NEGR1: variants seen among roughly 807,000 people sequenced by gnomAD.
NEGR1 encodes the protein neuronal growth regulator 1, also known as IgLON family member 4.
NEGR1 carries 10 observed loss-of-function variants against 40.9 expected under a neutral mutation model. The observed-to-expected ratio is 0.24, with a 90% CI of 0.15 to 0.42. The LOEUF is 0.42. NEGR1 is among the 10% of genes least tolerant of loss of function. The pLI, the probability that NEGR1 is intolerant of heterozygous loss-of-function variation, is 1.00. For missense variants in NEGR1, 352 were observed against 438.9 expected, an observed-to-expected ratio of 0.80 and a Z score of 1.77; for synonymous variants, 185 against 166.8, an observed-to-expected ratio of 1.11 and a Z score of -0.84.
intron 4 of NEGR1, among the ~76,000 whole-genome samples, chr1:71,685,611 C>T (rs1409047784): frequency 6.6e-6 from 1 of 152,142 alleles, no homozygotes; most frequent in African/African-American, 2.4e-5. Context: ...TGAGCCACCG[C>T]AGGCCGAGGT....
At chr1:71,878,306 C>G (rs1314236694) in intron 2 of NEGR1, among the ~76,000 whole-genome samples, 1 of 152,016 alleles carries the variant, frequency 6.6e-6, no homozygotes, top group African/African-American at 2.4e-5. Context: ...TTATCTTTCC[C>G]AGCAGTGATT....
intron 2 of NEGR1, among the ~76,000 whole-genome samples, chr1:71,850,467 T>C (rs550106515): frequency 2.4e-4 from 36 of 152,272 alleles, no homozygotes; most frequent in Middle Eastern, 3.4e-3. Flanking sequence ...ATCTATTGTC[T>C]TGTCAAGAAT....
chr1:71,835,864 A>G (rs1350670409), intron 2 of NEGR1, among the ~76,000 whole-genome samples: 1 of 152,130 alleles, frequency 6.6e-6, no homozygotes, highest in Admixed American at 6.6e-5. Flanking sequence ...GTGAGATACT[A>G]AAAAGATTAA....
At chr1:71,677,967 C>A (rs990502390) in intron 4 of NEGR1, among the ~76,000 whole-genome samples, 2 of 152,086 alleles carry the variant, frequency 1.3e-5, no homozygotes, top group Non-Finnish European at 2.9e-5. Context: ...TATTTTAAGT[C>A]AGTTTGAACA....
chr1:71,631,926 A>T (rs781195366), intron 4 of NEGR1, among the ~76,000 whole-genome samples: 6 of 151,750 alleles, frequency 4.0e-5, no homozygotes, highest in Non-Finnish European at 8.9e-5. Flanking sequence ...TTCAATTAGA[A>T]TCTTAACTTC....
intron 2 of NEGR1, among the ~76,000 whole-genome samples, chr1:71,899,230 T>G (rs1257031185): frequency 6.6e-6 from 1 of 151,802 alleles, no homozygotes; most frequent in Non-Finnish European, 1.5e-5. Context: ...CACAGATATA[T>G]AAGAATCCAG....
intron 1 of NEGR1, among the ~76,000 whole-genome samples, chr1:72,090,095 T>A (rs937915888): frequency 6.6e-6 from 1 of 152,058 alleles, no homozygotes; most frequent in Non-Finnish European, 1.5e-5. Flanking sequence ...AAATAACTAG[T>A]TCACATTTTC....
chr1:71,998,553 T>C (rs948424984), intron 1 of NEGR1, among the ~76,000 whole-genome samples: 1 of 151,862 alleles, frequency 6.6e-6, no homozygotes, highest in African/African-American at 2.4e-5. Flanking sequence ...CCTCATGTTT[T>C]TCCTTCTTAT....
chr1:71,779,996 GATGGT>G (rs1656648745), intron 2 of NEGR1, among the ~76,000 whole-genome samples: 1 of 136,160 alleles, frequency 7.3e-6, no homozygotes, highest in Admixed American at 8.3e-5. Context: ...AAGGGTTTTG[GATGGT>G]CCCAGGGCGC....
At chr1:72,232,218 G>C (rs148713613) in intron 1 of NEGR1, among the ~76,000 whole-genome samples, 2 of 151,870 alleles carry the variant, frequency 1.3e-5, no homozygotes, top group Admixed American at 6.6e-5. Context: ...TTATCTGGGC[G>C]TGGTGGTGCG....
intron 2 of NEGR1, among the ~76,000 whole-genome samples, chr1:71,783,586 T>C (rs1557650985): frequency 6.6e-6 from 1 of 152,124 alleles, no homozygotes. Context: ...AGTTTTAAAT[T>C]CAAACTTGCC....
chr1:71,909,457 G>A (rs116660747), intron 2 of NEGR1, among the ~76,000 whole-genome samples: 2,370 of 152,194 alleles, frequency 0.016, 46 homozygotes, highest in South Asian at 0.1. Context: ...TTATTGTTTG[G>A]TTAATCTCAG....
rs1028474986 is a variant in NEGR1 at position 71,984,348 on chromosome 1, G to A, written c.177-49037C>T. Among the ~76,000 whole-genome samples, 9 of 117,568 alleles carry A rather than the reference G, an allele frequency of 7.7e-5. 1 individual carries two copies. The South Asian group carries it at 1.5e-3, about 20-fold the overall frequency. 77.1% of individuals were successfully genotyped at this position (117,568 alleles called of 152,430 possible). ...TCACCATGTTGCCTAGACTGGTCTC[G>A]AACTCCTGGTATCAAGTGATCTCAC... On this transcript the variant is annotated intron_variant, in intron 1 of 6. Transcript: ENST00000357731.
chr1:72,060,476 T>G (rs1647157276), intron 1 of NEGR1, among the ~76,000 whole-genome samples: 1 of 151,728 alleles, frequency 6.6e-6, no homozygotes, highest in Admixed American at 6.6e-5. Flanking sequence ...CTAACCATGT[T>G]AATCTCCTTG....
At chr1:71,497,325 T>C (rs1279856930) in intron 6 of NEGR1, among the ~76,000 whole-genome samples, 2 of 152,192 alleles carry the variant, frequency 1.3e-5, no homozygotes, top group South Asian at 2.1e-4. Context: ...TCTGAAATTA[T>C]ACCACATATG....
At chr1:72,013,827 TA>T (rs5775100) in intron 1 of NEGR1, among the ~76,000 whole-genome samples, 26,678 of 144,086 alleles carry the variant, frequency 0.19, 2,903 homozygotes, top group East Asian at 0.45. Context: ...AGTACTTAAT[TA>T]AAAAAAAAAA....
intron 1 of NEGR1, among the ~76,000 whole-genome samples, chr1:72,247,660 G>A (rs1325099314): frequency 6.6e-6 from 1 of 152,114 alleles, no homozygotes; most frequent in Non-Finnish European, 1.5e-5. Flanking sequence ...CATGTAACAA[G>A]TCTCTAAGAA....
intron 1 of NEGR1, among the ~76,000 whole-genome samples, chr1:72,126,304 AC>A (rs897156299): frequency 9.9e-5 from 15 of 152,282 alleles, no homozygotes; most frequent in African/African-American, 3.6e-4. Flanking sequence ...AACAAAATTT[AC>A]AAAAATATGA....
intron 1 of NEGR1, among the ~76,000 whole-genome samples, chr1:72,014,030 G>C (rs1646686170): frequency 7.4e-6 from 1 of 135,078 alleles, no homozygotes; most frequent in African/African-American, 2.8e-5. Flanking sequence ...AGAAATTGTA[G>C]AATTTCAAAA....
Sources: gnomAD v4.1 joint callset for allele counts (sites outside exome capture counted in the v4.1 genomes callset) on GRCh38, gnomAD v4.1.1 for gene constraint, MANE v1.5 for transcripts, NCBI Gene and HGNC (gene_info 2026-07-23, HGNC 2026-07-21) for gene names.